Variants in DBX2 observed in about 807,000 individuals in gnomAD.
DBX2 encodes homeobox protein DBX2.
Under a neutral mutation model 17.7 loss-of-function variants are expected in DBX2, and 16 were observed. That is an observed-to-expected ratio of 0.90 (90% confidence interval 0.61 to 1.37). DBX2 has a LOEUF of 1.37. DBX2 is among the 40% of genes most tolerant of loss of function. The pLI is 0.00. For missense variants in DBX2, 538 were observed against 433.8 expected (o/e 1.24, Z -2.13); for synonymous variants, 255 against 183.8 (o/e 1.39, Z -3.13).
At chr12:45,044,247 CCAATATAACCACAAAACTTGTT>C (rs2137031983) in intron 1 of DBX2, among the ~76,000 whole-genome samples, 1 of 152,034 alleles carries the variant, frequency 6.6e-6, no homozygotes, top group African/African-American at 2.4e-5. Context: ...TGTTTCAGAC[CCAATATAACCACAAAACTTGTT>C]CAATAGACCT....
intron 3 of DBX2, among the ~76,000 whole-genome samples, chr12:45,020,148 T>C (rs1946344152): frequency 6.6e-6 from 1 of 152,122 alleles, no homozygotes; most frequent in South Asian, 2.1e-4. Flanking sequence ...TTAGAACATT[T>C]TCATCACCTC....
intron 2 of DBX2, among the ~76,000 whole-genome samples, chr12:45,028,892 T>A (rs1168894440): frequency 6.6e-6 from 1 of 152,206 alleles, no homozygotes; most frequent in Non-Finnish European, 1.5e-5. Flanking sequence ...CTTGCTTTCA[T>A]AAAGTGATGC....
At chr12:45,041,691 A>G (rs2137030517) in intron 1 of DBX2, among the ~76,000 whole-genome samples, 1 of 152,304 alleles carries the variant, frequency 6.6e-6, no homozygotes, top group African/African-American at 2.4e-5. Context: ...TATCAAGTGC[A>G]GTGTCTACTT....
intron 1 of DBX2, among the ~76,000 whole-genome samples, chr12:45,036,402 T>G (rs185735361): frequency 6.6e-6 from 1 of 152,154 alleles, no homozygotes; most frequent in Admixed American, 6.5e-5. Context: ...TATTCCTTTA[T>G]TTAAAATACC....
chr12:45,018,024 C>G (rs912726759), intron 3 of DBX2, among the ~76,000 whole-genome samples: 1 of 151,974 alleles, frequency 6.6e-6, no homozygotes, highest in African/African-American at 2.4e-5. Flanking sequence ...TTCAAAATGG[C>G]AACAAAAAAA....
chr12:45,019,343 A>G (rs1446720519), intron 3 of DBX2, among the ~76,000 whole-genome samples: 1 of 152,090 alleles, frequency 6.6e-6, no homozygotes, highest in African/African-American at 2.4e-5. Context: ...ACAGACTACA[A>G]ATGGCCAATA....
At chr12:45,032,297 T>C (rs914783326) in intron 2 of DBX2, among the ~76,000 whole-genome samples, 2 of 152,188 alleles carry the variant, frequency 1.3e-5, no homozygotes, top group African/African-American at 2.4e-5. Flanking sequence ...GCCTCCTTTT[T>C]ATATTAGAAA....
chr12:45,036,287 A>G (rs1946440704), intron 1 of DBX2, among the ~76,000 whole-genome samples, 173 bp from the exon 2 acceptor site: 1 of 152,226 alleles, frequency 6.6e-6, no homozygotes, highest in East Asian at 1.9e-4. Flanking sequence ...AAATAATCTC[A>G]TCAAGATTTG....
intron 1 of DBX2, among the ~76,000 whole-genome samples, chr12:45,040,012 G>A (rs946099249): frequency 1.1e-4 from 17 of 152,166 alleles, no homozygotes; most frequent in African/African-American, 3.6e-4. Context: ...TTAATACTGA[G>A]TGTCAACTTG....
At chr12:45,029,170 A>G (rs945553175) in intron 2 of DBX2, among the ~76,000 whole-genome samples, 6 of 152,244 alleles carry the variant, frequency 3.9e-5, no homozygotes, top group Non-Finnish European at 8.8e-5. Flanking sequence ...AAAATAAATA[A>G]TATAAAAAGA....
rs551871853 is a variant in DBX2 at position 45,044,800 on chromosome 12, G to A, written c.403+5725C>T. Among the ~76,000 whole-genome samples, 8 of 152,112 alleles carry A rather than the reference G, an allele frequency of 5.3e-5. No homozygotes were observed. In the South Asian group the frequency reaches 1.7e-3, roughly 32 times the overall value. On this transcript the variant is annotated intron_variant, in intron 1 of 3. Coordinates refer to ENST00000332700, the MANE Select transcript of DBX2 (RefSeq NM_001004329.3). ...GCCCCTGACATATTCTCAACTAATA[G>A]CTGGTTGACAAAATGAATAATCCTA... is the stretch of plus-strand genomic sequence containing the variant.
At chr12:45,033,868 T>C (rs1326334905) in intron 2 of DBX2, among the ~76,000 whole-genome samples, 3 of 152,144 alleles carry the variant, frequency 2.0e-5, no homozygotes, top group Admixed American at 6.5e-5. Flanking sequence ...ATAAACACTA[T>C]AATTTACAAG....
At chr12:45,044,084 CTTCTA>C (rs1011366940) in intron 1 of DBX2, among the ~76,000 whole-genome samples, 29 of 147,462 alleles carry the variant, frequency 2.0e-4, no homozygotes, top group Admixed American at 1.9e-3. Flanking sequence ...CGCTGGCATA[CTTCTA>C]TTATAAAAAG....
At chr12:45,035,425 C>T (rs915569889) in intron 2 of DBX2, among the ~76,000 whole-genome samples, 3 of 151,974 alleles carry the variant, frequency 2.0e-5, no homozygotes, top group South Asian at 2.1e-4. Context: ...GTGCACACTG[C>T]GAGATTTTGA....
rs544987533 is a variant in DBX2, at chr12:45,041,955, C to A, written c.404-5841G>T. Among the ~76,000 whole-genome samples the A allele has an allele frequency of 8.7e-4, 133 of 152,318 alleles. 1 individual carries two copies. Among genetic ancestry groups the A allele is most frequent in the Admixed American group, 7.4e-3 (114 of 15,304 alleles). ...GACACACTCCCCAAGGAGATGCAATCTAACAAAATTCATACTGTGCACATC... is the reference window on the plus strand; with the variant it reads ...GACACACTCCCCAAGGAGATGCAATATAACAAAATTCATACTGTGCACATC... On this transcript the variant is annotated intron_variant, in intron 1 of 3. Transcript: ENST00000332700.
rs1173049657 is a variant in DBX2, at chr12:45,038,689, G to A, written c.404-2575C>T. ...GATCAATTAAATTCCCAACCCTAGG[G>A]CCCTAAAAGTGGGAAAATAAAATAT... On this transcript the variant is annotated intron_variant, in intron 1 of 3. Coordinates refer to ENST00000332700, the MANE Select transcript of DBX2 (RefSeq NM_001004329.3). Among the ~76,000 whole-genome samples, 2 of 121,532 alleles carry A rather than the reference G, an allele frequency of 1.6e-5. 1 individual carries two copies. Among genetic ancestry groups the A allele is most frequent in the African/African-American group, 8.9e-5 (2 of 22,564 alleles). 79.7% of individuals were successfully genotyped at this position (121,532 alleles called of 152,430 possible).
intron 2 of DBX2, among the ~76,000 whole-genome samples, chr12:45,027,282 T>C (rs908107989): frequency 5.9e-5 from 9 of 152,334 alleles, no homozygotes; most frequent in East Asian, 5.8e-4. Flanking sequence ...ACAAGAATCA[T>C]ATGCCACAGA....
At chr12:45,025,697 G>A (rs1946377654) in intron 2 of DBX2, among the ~76,000 whole-genome samples, 1 of 145,036 alleles carries the variant, frequency 6.9e-6, no homozygotes, top group Admixed American at 7.1e-5. Flanking sequence ...CAGCTACTAT[G>A]CATTCTGGTG....
intron 2 of DBX2, among the ~76,000 whole-genome samples, chr12:45,029,921 G>GA (rs1946400617): frequency 9.5e-6 from 1 of 105,238 alleles, no homozygotes; most frequent in Non-Finnish European, 2.0e-5. Context: ...TAAAAATAAA[G>GA]AATGACCTGG....
Sources: gnomAD v4.1 joint callset for allele counts (sites outside exome capture counted in the v4.1 genomes callset) on GRCh38, gnomAD v4.1.1 for gene constraint, MANE v1.5 for transcripts, NCBI Gene and HGNC (gene_info 2026-07-23, HGNC 2026-07-21) for gene names.